The following MAGI2 variants were observed in gnomAD, a reference collection of about 807,000 sequenced individuals.
MAGI2 encodes the protein membrane-associated guanylate kinase, WW and PDZ domain-containing protein 2.
In MAGI2, 35 loss-of-function variants were observed where a neutral mutation model predicts 133.3. That is an observed-to-expected ratio of 0.26 (90% CI 0.20 to 0.35). The LOEUF is 0.35. Among genes scored for constraint, MAGI2 ranks in the 10% least tolerant of loss-of-function variants. MAGI2 has a pLI of 1.00. For missense variants in MAGI2, 1,636 were observed against 1,863.4 expected, an observed-to-expected ratio of 0.88 and a Z score of 2.25; for synonymous variants, 729 against 710.6, an observed-to-expected ratio of 1.03 and a Z score of -0.41.
intron 6 of MAGI2, among the ~76,000 whole-genome samples, chr7:78,469,889 G>A (rs1027924000): frequency 3.3e-5 from 5 of 152,076 alleles, no homozygotes; most frequent in Non-Finnish European, 7.4e-5. Flanking sequence ...ATTTTTGCGT[G>A]CATGTTTTTC....
At chr7:79,368,297 A>G (rs904597625) in intron 1 of MAGI2, among the ~76,000 whole-genome samples, 2 of 152,040 alleles carry the variant, frequency 1.3e-5, no homozygotes, top group Admixed American at 6.5e-5. Context: ...AAAGCTTTGT[A>G]CTTTCCCTAG....
intron 2 of MAGI2, among the ~76,000 whole-genome samples, chr7:78,985,721 TG>T (rs1279304783): frequency 6.6e-6 from 1 of 152,108 alleles, no homozygotes; most frequent in Non-Finnish European, 1.5e-5. Flanking sequence ...GGAGTGGCTT[TG>T]TCTGCAGCAT....
chr7:78,565,161 G>T (rs1267804651), intron 3 of MAGI2, among the ~76,000 whole-genome samples: 2 of 151,036 alleles, frequency 1.3e-5, no homozygotes, highest in Non-Finnish European at 2.9e-5. Context: ...TGATATAATG[G>T]TTAAATTTTA....
intron 6 of MAGI2, among the ~76,000 whole-genome samples, chr7:78,434,317 C>T (rs1486862299): frequency 3.3e-5 from 5 of 152,094 alleles, no homozygotes; most frequent in Admixed American, 2.0e-4. Flanking sequence ...AAAATAGAAC[C>T]ATATACTCAA....
At chr7:78,748,754 T>C (rs1328635685) in intron 2 of MAGI2, among the ~76,000 whole-genome samples, 2 of 135,494 alleles carry the variant, frequency 1.5e-5, no homozygotes, top group Non-Finnish European at 3.3e-5. Flanking sequence ...AGATTTCAAA[T>C]ACATTTTTTT....
At chr7:79,234,498 T>C (rs1477562395) in intron 1 of MAGI2, among the ~76,000 whole-genome samples, 2 of 151,828 alleles carry the variant, frequency 1.3e-5, no homozygotes, top group Non-Finnish European at 2.9e-5. Flanking sequence ...CATTTCTTTT[T>C]ATTCTTTTTT....
chr7:78,033,709 G>A (rs1369885870), intron 21 of MAGI2, among the ~76,000 whole-genome samples: 1 of 152,044 alleles, frequency 6.6e-6, no homozygotes, highest in Non-Finnish European at 1.5e-5. Context: ...TTTGAAGGGA[G>A]AATAAGAGTC....
At chr7:79,086,849 T>C (rs971410757) in intron 1 of MAGI2, among the ~76,000 whole-genome samples, 4 of 151,892 alleles carry the variant, frequency 2.6e-5, no homozygotes, top group Non-Finnish European at 4.4e-5. Context: ...TTTATTTAGC[T>C]GCTGCTAGAT....
In MAGI2 at chr7:78,019,428, G is replaced by T; in HGVS notation, c.4255C>A (p.Pro1419Thr). ...GCCTTGCGCGCCGGGGCGCCCCCCGGGGGTCGCGGGCCCGGCCGGGGACCC... is the reference window on the plus strand; with the variant it reads ...GCCTTGCGCGCCGGGGCGCCCCCCGTGGGTCGCGGGCCCGGCCGGGGACCC... ...RAGPRPGPRP[P>T]GGAPARKAAV... The change falls in exon 22 of 22, where the codon CCG becomes ACG. Residue 1419 changes from proline (P) to threonine (T), a missense_variant. This residue lies in a region of MAGI2 where 354 missense variants were observed against 298.7 expected (regional missense o/e 1.19). Coordinates refer to ENST00000354212, the MANE Select transcript of MAGI2 (RefSeq NM_012301.4). The T allele has an allele frequency of 9.5e-6, 10 of 1,050,838 alleles. No homozygotes were observed. Among genetic ancestry groups the T allele is most frequent in the Non-Finnish European group, 1.1e-5 (10 of 873,788 alleles). The allele number at this position is 1,050,838 out of a possible 1,614,324, so 65.1% of individuals were successfully genotyped here. A position where few individuals can be genotyped will look rare whatever the true frequency, so the allele number is the denominator to read the frequency against.
intron 2 of MAGI2, among the ~76,000 whole-genome samples, chr7:78,778,685 G>T (rs1826166276): frequency 6.6e-6 from 1 of 152,082 alleles, no homozygotes; most frequent in Non-Finnish European, 1.5e-5. Context: ...AAGAAACACT[G>T]GACAGACACC....
chr7:78,655,997 AG>A (rs66503403), intron 2 of MAGI2, among the ~76,000 whole-genome samples: 6,139 of 143,154 alleles, frequency 0.043, 227 homozygotes, highest in Non-Finnish European at 0.058. Context: ...AAAAAAAAAA[AG>A]AAAAAGAAAA....
intron 2 of MAGI2, among the ~76,000 whole-genome samples, chr7:78,647,242 C>T (rs1056898853): frequency 6.6e-6 from 1 of 152,084 alleles, no homozygotes; most frequent in African/African-American, 2.4e-5. Context: ...TTTTTGCAAT[C>T]TAAACATCTG....
At chr7:78,379,570 G>T (rs992664307) in intron 6 of MAGI2, among the ~76,000 whole-genome samples, 2 of 152,008 alleles carry the variant, frequency 1.3e-5, no homozygotes, top group Non-Finnish European at 2.9e-5. Flanking sequence ...TACAGGAGCT[G>T]TGAGGAAAAA....
chr7:78,798,679 C>T (rs182647148), intron 2 of MAGI2, among the ~76,000 whole-genome samples: 4 of 152,222 alleles, frequency 2.6e-5, no homozygotes, highest in East Asian at 3.9e-4. Flanking sequence ...CAATGGAGAA[C>T]GGCCCATTCC....
intron 2 of MAGI2, among the ~76,000 whole-genome samples, chr7:78,953,897 G>A (rs537794898): frequency 1.3e-5 from 2 of 152,088 alleles, no homozygotes; most frequent in Non-Finnish European, 2.9e-5. Context: ...AAGTATTTAA[G>A]TGAAAAAGAG....
At chr7:79,174,220 G>A (rs553569667) in intron 1 of MAGI2, among the ~76,000 whole-genome samples, 17 of 151,558 alleles carry the variant, frequency 1.1e-4, no homozygotes, top group Admixed American at 1.1e-3. Context: ...AATAATTTGG[G>A]GTAATTAATT....
At chr7:79,103,285 C>G (rs1818152553) in intron 1 of MAGI2, among the ~76,000 whole-genome samples, 1 of 152,192 alleles carries the variant, frequency 6.6e-6, no homozygotes, top group Non-Finnish European at 1.5e-5. Context: ...CTAGAGGCAT[C>G]TCTTTCACCT....
intron 1 of MAGI2, among the ~76,000 whole-genome samples, chr7:79,420,954 T>G (rs1846912703): frequency 6.6e-6 from 1 of 152,014 alleles, no homozygotes; most frequent in Non-Finnish European, 1.5e-5. Context: ...AAGGGATGTT[T>G]TGTTTATCAT....
chr7:78,724,525 T>C (rs1402177350), intron 2 of MAGI2, among the ~76,000 whole-genome samples: 1 of 152,140 alleles, frequency 6.6e-6, no homozygotes, highest in Non-Finnish European at 1.5e-5. Flanking sequence ...AACCCAACTG[T>C]CTCACAATTT....
Sources: gnomAD v4.1 joint callset for allele counts (sites outside exome capture counted in the v4.1 genomes callset) on GRCh38, gnomAD v4.1.1 for gene constraint, gnomAD v4.1.1 regional missense constraint, MANE v1.5 for transcripts, NCBI Gene and HGNC (gene_info 2026-07-23, HGNC 2026-07-21) for gene names.